The following LRMDA variants were observed in gnomAD, a reference collection of about 807,000 sequenced individuals.
LRMDA encodes the protein leucine-rich melanocyte differentiation-associated protein.
In LRMDA, 18 loss-of-function variants were observed where a neutral mutation model predicts 29.8. The ratio of observed to expected loss-of-function variants is 0.60; its 90% CI spans 0.42 to 0.90. The LOEUF (loss-of-function observed/expected upper bound fraction) is 0.90, where lower values mean the gene tolerates loss of function less well. Among genes scored for constraint, LRMDA ranks in the 40% least tolerant of loss-of-function variants. LRMDA has a pLI of 0.00. For synonymous variants in LRMDA, 125 were observed against 109.4 expected (o/e 1.14, Z -0.89); for missense variants, 273 against 273.9 (o/e 1.00, Z 0.02).
intron 5 of LRMDA, among the ~76,000 whole-genome samples, chr10:76,257,087 C>T (rs1338231138): frequency 6.6e-6 from 1 of 151,960 alleles, no homozygotes; most frequent in African/African-American, 2.4e-5. Context: ...ACTATTTTGT[C>T]TTTGGTAAGT....
At chr10:76,205,150 T>C (rs995676810) in intron 5 of LRMDA, among the ~76,000 whole-genome samples, 10 of 152,190 alleles carry the variant, frequency 6.6e-5, no homozygotes, top group African/African-American at 2.4e-4. Context: ...AAAAGCCACT[T>C]CTTCCTAAGT....
Position 75,788,133 on chromosome 10 carries a change from G to A in LRMDA, c.132-247875G>A, listed in dbSNP as rs533861825. ...GGAGAATTACTTGAACCCAGGAGGC[G>A]GAGGTTGCAGTGAGCTGAGATTGTG... On this transcript the variant is annotated intron_variant, in intron 2 of 6. Transcript: ENST00000611255. 5.1e-4 allele frequency among the ~76,000 whole-genome samples: 78 copies of A among 152,348 alleles called. No homozygotes were observed. In the Middle Eastern group the frequency reaches 0.014, roughly 27 times the overall value.
chr10:76,228,147 G>T (rs12775764), intron 5 of LRMDA, among the ~76,000 whole-genome samples: 1 of 151,456 alleles, frequency 6.6e-6, no homozygotes, highest in Non-Finnish European at 1.5e-5. Flanking sequence ...TCAGCCTCCC[G>T]AGTAGCTGGG....
chr10:76,296,078 A>G (rs1371349966), intron 5 of LRMDA, among the ~76,000 whole-genome samples: 1 of 152,210 alleles, frequency 6.6e-6, no homozygotes, highest in Non-Finnish European at 1.5e-5. Context: ...TTGATTACAA[A>G]TATGATCACC....
intron 6 of LRMDA, among the ~76,000 whole-genome samples, chr10:76,506,240 T>C (rs1842958412): frequency 6.6e-6 from 1 of 152,178 alleles, no homozygotes; most frequent in Non-Finnish European, 1.5e-5. Flanking sequence ...GAACCCCTGG[T>C]GATTATTTTT....
rs34902194 is a variant in LRMDA at position 75,494,515 on chromosome 10, C to CTTTTTTTTTTTTTT, written c.131+56030_131+56043dup. On this transcript the variant is annotated intron_variant, in intron 2 of 6. Transcript: ENST00000611255. ...GCTAAAACAAGGTTTATGTTTGTTC[C>CTTTTTTTTTTTTTT]TTTTTTTTTTTTTTTTTTTTTTGTT... 2.9e-5 allele frequency among the ~76,000 whole-genome samples: 3 copies of CTTTTTTTTTTTTTT among 102,868 alleles called. 1 individual carries two copies. Among genetic ancestry groups the CTTTTTTTTTTTTTT allele is most frequent in the African/African-American group, 3.8e-5 (1 of 26,622 alleles). The allele number at this position is 102,868 out of a possible 152,430, so 67.5% of individuals were successfully genotyped here.
At chr10:76,515,752 C>T (rs1843054498) in intron 6 of LRMDA, among the ~76,000 whole-genome samples, 1 of 152,154 alleles carries the variant, frequency 6.6e-6, no homozygotes. Flanking sequence ...CAATCTGCCG[C>T]CTCGGCCTCC....
chr10:75,585,687 T>C (rs1177342366), intron 2 of LRMDA, among the ~76,000 whole-genome samples: 1 of 152,260 alleles, frequency 6.6e-6, no homozygotes, highest in East Asian at 1.9e-4. Context: ...GGTAAGAACA[T>C]TTAACATGAC....
chr10:75,963,068 T>A (rs556402291), intron 2 of LRMDA, among the ~76,000 whole-genome samples: 102 of 152,366 alleles, frequency 6.7e-4, no homozygotes, highest in African/African-American at 2.4e-3. Flanking sequence ...GGTTAATGTC[T>A]TTTGCTGATC....
chr10:76,271,683 C>T (rs1357192154), intron 5 of LRMDA, among the ~76,000 whole-genome samples: 1 of 152,086 alleles, frequency 6.6e-6, no homozygotes, highest in Non-Finnish European at 1.5e-5. Context: ...TGGATATATA[C>T]ACGATTATGT....
intron 5 of LRMDA, among the ~76,000 whole-genome samples, chr10:76,175,303 C>T (rs1850913880): frequency 1.3e-5 from 2 of 152,156 alleles, no homozygotes; most frequent in Admixed American, 1.3e-4. Flanking sequence ...AGCTCTGTTA[C>T]ATTTCTGTTT....
intron 6 of LRMDA, among the ~76,000 whole-genome samples, chr10:76,440,157 T>C (rs1842286767): frequency 3.3e-5 from 5 of 152,174 alleles, no homozygotes; most frequent in Admixed American, 3.3e-4. Context: ...ACCAAGGGTA[T>C]GGGAGGCAAT....
rs548241396 is a variant in LRMDA at position 76,301,272 on chromosome 10, G to T, written c.517-23129G>T. ...ATCTTCAGCAATTACAGACAACAAGGAAATAACTCATGCTGTTATATGAAA... is the reference window on the plus strand; with the variant it reads ...ATCTTCAGCAATTACAGACAACAAGTAAATAACTCATGCTGTTATATGAAA... On this transcript the variant is annotated intron_variant, in intron 5 of 6. Transcript: ENST00000611255. 1.6e-4 allele frequency among the ~76,000 whole-genome samples: 25 copies of T among 152,238 alleles called. No individual in the cohort carries two copies. In the South Asian group the frequency reaches 5.0e-3, roughly 30 times the overall value.
chr10:75,726,677 C>T (rs1003835520), intron 2 of LRMDA, among the ~76,000 whole-genome samples: 14 of 152,240 alleles, frequency 9.2e-5, no homozygotes, highest in African/African-American at 3.4e-4. Context: ...TGAAATATGA[C>T]CAATATGCCT....
chr10:75,473,284 AAC>A (rs968885896), intron 2 of LRMDA, among the ~76,000 whole-genome samples: 1 of 152,238 alleles, frequency 6.6e-6, no homozygotes, highest in Non-Finnish European at 1.5e-5. Flanking sequence ...AACATGTCAT[AAC>A]AGAGTCAAGG....
At chr10:76,031,558 GC>G (rs2132502034) in intron 2 of LRMDA, among the ~76,000 whole-genome samples, 1 of 152,238 alleles carries the variant, frequency 6.6e-6, no homozygotes, top group South Asian at 2.1e-4. Context: ...GAGTATGGAG[GC>G]TGCATGGAGA....
chr10:76,315,644 T>G (rs930144274), intron 5 of LRMDA, among the ~76,000 whole-genome samples: 2 of 152,160 alleles, frequency 1.3e-5, no homozygotes, highest in African/African-American at 4.8e-5. Context: ...GGCAGCTCCC[T>G]GCGGGCCTGT....
chr10:76,206,172 G>C (rs1249263720), intron 5 of LRMDA, among the ~76,000 whole-genome samples: 1 of 152,166 alleles, frequency 6.6e-6, no homozygotes, highest in African/African-American at 2.4e-5. Flanking sequence ...CAGTGGGACT[G>C]TGCTGCCTCA....
chr10:75,884,153 A>G (rs116111737), intron 2 of LRMDA, among the ~76,000 whole-genome samples: 456 of 151,728 alleles, frequency 3.0e-3, no homozygotes, highest in African/African-American at 0.011. Context: ...TTTTTTTGGC[A>G]GGTGGGTGTT....
Sources: gnomAD v4.1 joint callset for allele counts (sites outside exome capture counted in the v4.1 genomes callset) on GRCh38, gnomAD v4.1.1 for gene constraint, MANE v1.5 for transcripts, NCBI Gene and HGNC (gene_info 2026-07-23, HGNC 2026-07-21) for gene names.